The following LPAR1 variants were observed in gnomAD, a reference collection of about 807,000 sequenced individuals.
LPAR1 encodes the protein lysophosphatidic acid receptor 1.
In LPAR1, 5 loss-of-function variants were observed where a neutral mutation model predicts 23.8. The observed-to-expected ratio is 0.21, with a 90% confidence interval of 0.11 to 0.44. The LOEUF is 0.44. Among genes scored for constraint, LPAR1 ranks in the 20% least tolerant of loss-of-function variants. The pLI, the probability that LPAR1 is intolerant of heterozygous loss-of-function variation, is 0.99. For missense variants in LPAR1, 311 were observed against 482.8 expected, an observed-to-expected ratio of 0.64 and a Z score of 3.33; for synonymous variants, 160 against 164.7, an observed-to-expected ratio of 0.97 and a Z score of 0.22.
intron 2 of LPAR1, among the ~76,000 whole-genome samples, chr9:110,976,325 T>C (rs1226098968): frequency 8.5e-6 from 1 of 117,962 alleles, no homozygotes; most frequent in Admixed American, 9.9e-5. Flanking sequence ...ACCCCGTGTC[T>C]ACTAAAAATA....
chr9:110,891,930 A>G (rs2084302783), intron 5 of LPAR1, among the ~76,000 whole-genome samples: 1 of 152,210 alleles, frequency 6.6e-6, no homozygotes, highest in African/African-American at 2.4e-5. Flanking sequence ...AACTTTCATC[A>G]CTGCTGGTGA....
intron 5 of LPAR1, 41 bp from the exon 6 acceptor site, chr9:110,875,763 G>C (rs1376240282): frequency 3.5e-6 from 4 of 1,151,516 alleles, no homozygotes; most frequent in Non-Finnish European, 2.4e-6. Context: ...TTTTTAAAAA[G>C]AGAATGAAAA....
intron 5 of LPAR1, among the ~76,000 whole-genome samples, chr9:110,922,961 G>A (rs181075959): frequency 5.9e-5 from 9 of 151,738 alleles, no homozygotes; most frequent in Non-Finnish European, 1.2e-4. Flanking sequence ...TCCACATTGG[G>A]TATTTCTCCT....
intron 2 of LPAR1, among the ~76,000 whole-genome samples, chr9:111,005,005 A>G (rs546313731): frequency 9.1e-4 from 138 of 152,072 alleles, no homozygotes; most frequent in Non-Finnish European, 1.3e-3. Flanking sequence ...TACAAAAAAC[A>G]AACAAACATA....
At chr9:110,923,501 T>A (rs1196625442) in intron 5 of LPAR1, among the ~76,000 whole-genome samples, 1 of 152,208 alleles carries the variant, frequency 6.6e-6, no homozygotes, top group Non-Finnish European at 1.5e-5. Context: ...AACTGTAGGC[T>A]AATGTAAGTG....
chr9:110,875,252 T>TTG lies in LPAR1; in HGVS notation c.*168_*169insCA. 1.8e-6 allele frequency: 1 copy of TTG among 547,256 alleles called. No individual in the cohort carries two copies. Among genetic ancestry groups the TTG allele is most frequent in the Non-Finnish European group, 3.2e-6 (1 of 313,722 alleles). 33.9% of individuals were successfully genotyped at this position (547,256 alleles called of 1,614,324 possible). ...TTGTCACATAAGCTAATTTTCAATA[T>TTG]ATATCAAGTCTTGTGGGGTCCAGGA... On this transcript the variant is annotated 3_prime_UTR_variant, in exon 6 of 6. Transcript: ENST00000683809.
intron 2 of LPAR1, among the ~76,000 whole-genome samples, chr9:110,979,294 T>C (rs1055209896): frequency 2.0e-5 from 3 of 149,590 alleles, no homozygotes; most frequent in African/African-American, 4.9e-5. Flanking sequence ...GCCCAAAATG[T>C]AGAGTTAAAA....
intron 5 of LPAR1, among the ~76,000 whole-genome samples, chr9:110,908,213 T>G (rs1023697941): frequency 6.6e-6 from 1 of 151,212 alleles, no homozygotes; most frequent in Non-Finnish European, 1.5e-5. Context: ...TGTTTATAAA[T>G]AGTAAGCAAT....
At chr9:110,897,883 G>A (rs775625925) in intron 5 of LPAR1, among the ~76,000 whole-genome samples, 9 of 151,352 alleles carry the variant, frequency 5.9e-5, no homozygotes, top group Non-Finnish European at 1.3e-4. Context: ...ACTTTGTATT[G>A]TTGAATTTTC....
chr9:110,952,294 C>A (rs1006781774), intron 4 of LPAR1, among the ~76,000 whole-genome samples: 6 of 152,106 alleles, frequency 3.9e-5, no homozygotes, highest in Non-Finnish European at 8.8e-5. Context: ...CAGGAGAGCC[C>A]CTCAACCCAA....
intron 5 of LPAR1, among the ~76,000 whole-genome samples, chr9:110,903,627 A>T (rs2090097741): frequency 6.6e-6 from 1 of 152,116 alleles, no homozygotes; most frequent in South Asian, 2.1e-4. Flanking sequence ...CTAAAAACCG[A>T]CAAAAAACAG....
chr9:111,009,528 G>A (rs1383655554), intron 2 of LPAR1, among the ~76,000 whole-genome samples: 2 of 152,026 alleles, frequency 1.3e-5, no homozygotes, highest in Admixed American at 6.6e-5. Flanking sequence ...AGACATAAGT[G>A]TACATATTTG....
At chr9:111,036,877 C>T (rs1469290794) in intron 1 of LPAR1, among the ~76,000 whole-genome samples, 1 of 152,180 alleles carries the variant, frequency 6.6e-6, no homozygotes, top group East Asian at 1.9e-4. Flanking sequence ...TATACTCGCT[C>T]CTACTGGGAT....
At chr9:110,886,606 T>A (rs956543818) in intron 5 of LPAR1, among the ~76,000 whole-genome samples, 10 of 152,132 alleles carry the variant, frequency 6.6e-5, no homozygotes, top group Admixed American at 6.5e-4. Context: ...AGTCTTCACT[T>A]TGCTGTATCA....
At chr9:111,012,482 C>T (rs1416697450) in intron 2 of LPAR1, among the ~76,000 whole-genome samples, 1 of 151,964 alleles carries the variant, frequency 6.6e-6, no homozygotes, top group African/African-American at 2.4e-5. Context: ...CACACACACA[C>T]ACACACACAC....
At chr9:110,953,663 CAAA>C (rs35270504) in intron 4 of LPAR1, among the ~76,000 whole-genome samples, 39 of 126,724 alleles carry the variant, frequency 3.1e-4, no homozygotes, top group Non-Finnish European at 5.7e-4. Flanking sequence ...AACTTGGTCT[CAAA>C]AAAAAAAAAA....
chr9:110,892,909 T>G (rs1291271154), intron 5 of LPAR1, among the ~76,000 whole-genome samples: 2 of 151,178 alleles, frequency 1.3e-5, no homozygotes, highest in East Asian at 3.9e-4. Context: ...AGCTTAGTGG[T>G]GCAGGCTGCA....
intron 5 of LPAR1, among the ~76,000 whole-genome samples, chr9:110,922,001 C>T (rs1564471967): frequency 6.6e-6 from 1 of 152,212 alleles, no homozygotes; most frequent in Admixed American, 6.5e-5. Flanking sequence ...GTTACAGAGA[C>T]TGCTGCTGCT....
intron 5 of LPAR1, among the ~76,000 whole-genome samples, chr9:110,878,400 A>C (rs1452495480): frequency 6.6e-6 from 1 of 152,180 alleles, no homozygotes; most frequent in African/African-American, 2.4e-5. Flanking sequence ...ACCCACAATG[A>C]ATGGATATTC....
Sources: gnomAD v4.1 joint callset for allele counts (sites outside exome capture counted in the v4.1 genomes callset) on GRCh38, gnomAD v4.1.1 for gene constraint, MANE v1.5 for transcripts, NCBI Gene and HGNC (gene_info 2026-07-23, HGNC 2026-07-21) for gene names.